Variants in DCC observed in about 807,000 individuals in gnomAD.
DCC encodes the protein DCC netrin 1 receptor, also known as netrin receptor DCC.
A neutral mutation model predicts 172.5 loss-of-function variants in DCC; 58 were observed. The observed-to-expected ratio is 0.34, with a 90% CI of 0.27 to 0.42. The LOEUF (loss-of-function observed/expected upper bound fraction) is 0.42. Ranked by LOEUF, DCC falls within the 10% of genes least tolerant of loss-of-function variation. DCC has a pLI of 1.00. For synonymous variants in DCC, 709 were observed against 644.5 expected (o/e 1.10, Z -1.52); for missense variants, 1,740 against 1,791.0 (o/e 0.97, Z 0.51).
chr18:52,530,327 A>G (rs1354405900), intron 1 of DCC, among the ~76,000 whole-genome samples: 1 of 152,200 alleles, frequency 6.6e-6, no homozygotes, highest in African/African-American at 2.4e-5. Context: ...TGATTTGTTC[A>G]AGTTCATTAC....
intron 2 of DCC, among the ~76,000 whole-genome samples, chr18:52,820,025 G>C (rs2038377037): frequency 6.6e-6 from 1 of 152,160 alleles, no homozygotes; most frequent in African/African-American, 2.4e-5. Context: ...CAGCCAACTT[G>C]TGAACTTTCA....
At chr18:52,394,546 A>C (rs1289885421) in intron 1 of DCC, among the ~76,000 whole-genome samples, 1 of 151,670 alleles carries the variant, frequency 6.6e-6, no homozygotes, top group African/African-American at 2.4e-5. Flanking sequence ...CAAATCGCTG[A>C]GATTACAGGT....
intron 2 of DCC, among the ~76,000 whole-genome samples, chr18:52,867,523 T>G (rs950686991): frequency 1.1e-4 from 16 of 152,162 alleles, no homozygotes; most frequent in South Asian, 4.1e-4. Flanking sequence ...TTTTTTTTTT[T>G]GGGTGGTAGG....
intron 1 of DCC, among the ~76,000 whole-genome samples, chr18:52,613,786 G>A (rs1221832204): frequency 6.6e-6 from 1 of 152,126 alleles, no homozygotes; most frequent in Non-Finnish European, 1.5e-5. Flanking sequence ...ACATCCAGGT[G>A]GAGGAAATTC....
chr18:53,170,751 A>G (rs2055001711), intron 8 of DCC, among the ~76,000 whole-genome samples: 1 of 152,210 alleles, frequency 6.6e-6, no homozygotes, highest in African/African-American at 2.4e-5. Flanking sequence ...TTTATAGCAC[A>G]TATGTTGTAC....
chr18:52,976,211 TG>T (rs1237926359), intron 5 of DCC, among the ~76,000 whole-genome samples: 1 of 152,136 alleles, frequency 6.6e-6, no homozygotes, highest in Non-Finnish European at 1.5e-5. Context: ...GTTTTTTTTT[TG>T]TAAATTTGTT....
chr18:53,180,722 G>A (rs1484238814), intron 9 of DCC, among the ~76,000 whole-genome samples: 1 of 152,096 alleles, frequency 6.6e-6, no homozygotes, highest in African/African-American at 2.4e-5. Flanking sequence ...GGAGTGCAGT[G>A]GCACAATCGC....
chr18:52,448,015 T>C (rs1988178640), intron 1 of DCC, among the ~76,000 whole-genome samples: 1 of 152,202 alleles, frequency 6.6e-6, no homozygotes, highest in African/African-American at 2.4e-5. Flanking sequence ...TGGTGAGATA[T>C]TCTAGTCCAG....
chr18:53,484,403 T>C (rs1272887210), intron 25 of DCC, among the ~76,000 whole-genome samples: 2 of 151,906 alleles, frequency 1.3e-5, no homozygotes, highest in African/African-American at 4.8e-5. Flanking sequence ...TTTTGGTGAT[T>C]ATTTCCTTTG....
chr18:52,874,726 G>A (rs1013190684), intron 2 of DCC, among the ~76,000 whole-genome samples: 1 of 152,112 alleles, frequency 6.6e-6, no homozygotes, highest in African/African-American at 2.4e-5. Context: ...CACAAGAGGA[G>A]ACAGAGGAAA....
intron 15 of DCC, among the ~76,000 whole-genome samples, chr18:53,365,198 A>C (rs1372644521): frequency 6.6e-6 from 1 of 151,740 alleles, no homozygotes; most frequent in African/African-American, 2.4e-5. Context: ...TCCTTGCAAT[A>C]GTTTACTGAG....
chr18:53,010,011 A>G (rs973128214), intron 5 of DCC, among the ~76,000 whole-genome samples: 3 of 151,938 alleles, frequency 2.0e-5, no homozygotes, highest in Admixed American at 2.0e-4. Flanking sequence ...AATCCATCAA[A>G]TATTACTACT....
chr18:53,078,931 G>T (rs1202738046), intron 7 of DCC, among the ~76,000 whole-genome samples: 1 of 152,018 alleles, frequency 6.6e-6, no homozygotes, highest in Non-Finnish European at 1.5e-5. Flanking sequence ...CATATTTCTT[G>T]GTATTCTTCA....
At chr18:52,968,095 T>A (rs1445109264) in intron 5 of DCC, among the ~76,000 whole-genome samples, 1 of 152,164 alleles carries the variant, frequency 6.6e-6, no homozygotes, top group Non-Finnish European at 1.5e-5. Flanking sequence ...TCTATACTGG[T>A]CCAAGAATTA....
intron 5 of DCC, among the ~76,000 whole-genome samples, chr18:53,006,485 T>C (rs1408902595): frequency 6.6e-6 from 1 of 152,234 alleles, no homozygotes; most frequent in African/African-American, 2.4e-5. Context: ...ACTAGAGATG[T>C]ATTTTTGTGA....
At chr18:53,254,717 C>T (rs1265396950) in intron 12 of DCC, among the ~76,000 whole-genome samples, 1 of 151,840 alleles carries the variant, frequency 6.6e-6, no homozygotes, top group African/African-American at 2.4e-5. Flanking sequence ...TCTGAATGTC[C>T]CCTTTCGTTC....
intron 7 of DCC, among the ~76,000 whole-genome samples, chr18:53,154,967 A>G (rs2054705484): frequency 6.6e-6 from 1 of 152,186 alleles, no homozygotes; most frequent in African/African-American, 2.4e-5. Context: ...ACTCTGCTAT[A>G]AAAGATTGAC....
intron 5 of DCC, among the ~76,000 whole-genome samples, chr18:52,961,200 G>A (rs2040836854): frequency 6.6e-6 from 1 of 152,112 alleles, no homozygotes; most frequent in African/African-American, 2.4e-5. Context: ...TAAATGAAGA[G>A]TTAATGGGTG....
intron 7 of DCC, among the ~76,000 whole-genome samples, chr18:53,094,074 A>G (rs1021747504): frequency 6.6e-6 from 1 of 152,176 alleles, no homozygotes; most frequent in Non-Finnish European, 1.5e-5. Flanking sequence ...GATGATACCA[A>G]TCAGTGACAT....
Sources: gnomAD v4.1 joint callset for allele counts (sites outside exome capture counted in the v4.1 genomes callset) on GRCh38, gnomAD v4.1.1 for gene constraint, MANE v1.5 for transcripts, NCBI Gene and HGNC (gene_info 2026-07-23, HGNC 2026-07-21) for gene names.